BNC2: variants seen among roughly 807,000 people sequenced by gnomAD.
BNC2 encodes the protein zinc finger protein basonuclin-2.
BNC2 carries 20 observed loss-of-function variants against 76.3 expected under a neutral mutation model. The observed-to-expected ratio is 0.26, with a 90% CI of 0.18 to 0.38. The LOEUF (loss-of-function observed/expected upper bound fraction) is 0.38. Among genes scored for constraint, BNC2 ranks in the 10% least tolerant of loss-of-function variants. BNC2 has a pLI of 1.00. For missense variants in BNC2, 1,382 were observed against 1,399.8 expected, an observed-to-expected ratio of 0.99 and a Z score of 0.20; for synonymous variants, 582 against 514.8, an observed-to-expected ratio of 1.13 and a Z score of -1.77.
intron 3 of BNC2, among the ~76,000 whole-genome samples, chr9:16,701,464 C>T (rs975966122): frequency 8.5e-5 from 13 of 152,154 alleles, no homozygotes; most frequent in Non-Finnish European, 1.9e-4. Flanking sequence ...GCATCCCTAG[C>T]ACACTATGTG....
intron 1 of BNC2, among the ~76,000 whole-genome samples, chr9:16,793,505 G>T (rs1817567819): frequency 6.6e-6 from 1 of 151,882 alleles, no homozygotes; most frequent in African/African-American, 2.4e-5. Context: ...TTTTGACAGG[G>T]TCTCACTACA....
chr9:16,684,314 G>C (rs1822912651), intron 3 of BNC2, among the ~76,000 whole-genome samples: 1 of 152,124 alleles, frequency 6.6e-6, no homozygotes, highest in Admixed American at 6.5e-5. Context: ...CAAGCTGTTA[G>C]CTTTCTAGAA....
chr9:16,713,271 C>T (rs1482963032), intron 3 of BNC2, among the ~76,000 whole-genome samples: 1 of 152,014 alleles, frequency 6.6e-6, no homozygotes, highest in Non-Finnish European at 1.5e-5. Context: ...AGTCATAGAC[C>T]TTTCAACAAA....
intron 1 of BNC2, among the ~76,000 whole-genome samples, chr9:16,803,357 T>A (rs779112610): frequency 8.5e-5 from 13 of 152,208 alleles, no homozygotes; most frequent in Non-Finnish European, 1.6e-4. Flanking sequence ...TAATTTATAA[T>A]ACGTACCTCT....
At chr9:16,812,281 T>A (rs1254373202) in intron 1 of BNC2, among the ~76,000 whole-genome samples, 3 of 152,122 alleles carry the variant, frequency 2.0e-5, no homozygotes, top group Non-Finnish European at 4.4e-5. Context: ...CACCTCTCCA[T>A]CCCAAGAAAA....
At chr9:16,672,738 T>A (rs1822516897) in intron 3 of BNC2, among the ~76,000 whole-genome samples, 1 of 152,202 alleles carries the variant, frequency 6.6e-6, no homozygotes, top group Admixed American at 6.5e-5. Context: ...ACATGTGACA[T>A]TTTTTTCCTA....
intron 4 of BNC2, among the ~76,000 whole-genome samples, chr9:16,559,553 C>T (rs1017104851): frequency 1.3e-5 from 2 of 152,194 alleles, no homozygotes; most frequent in Admixed American, 1.3e-4. Flanking sequence ...ACCACATGTT[C>T]GAATAAATAG....
At chr9:16,684,901 C>CA (rs57737264) in intron 3 of BNC2, among the ~76,000 whole-genome samples, 23 of 147,496 alleles carry the variant, frequency 1.6e-4, no homozygotes, top group East Asian at 9.9e-4. Flanking sequence ...ACAGTTTCAC[C>CA]AAAAAAAAAA....
chr9:16,419,437 C>G lies in BNC2; in HGVS notation c.2852G>C (p.Arg951Thr). 6.2e-7 allele frequency: 1 copy of G among 1,610,044 alleles called. No individual in the cohort carries two copies. The highest frequency in any genetic ancestry group is 8.5e-7 in the Non-Finnish European group (1 of 1,177,782). Residue 951 changes from arginine (R) to threonine (T), a missense_variant, in exon 7 of 7, where the codon AGA (arginine) becomes ACA (threonine). Around this residue, in one of 3 missense-constraint regions of BNC2, gnomAD observed 798 missense variants for 775.5 expected, o/e 1.03. Transcript: ENST00000380672. Reference protein sequence around the residue: ...TEDSHLNGYGRGMAEDYMVLD... With the variant: ...TEDSHLNGYGTGMAEDYMVLD... Reference sequence around the variant, plus strand: ...GACCATGTAGTCCTCTGCCATGCCTCTCCCATACCCGTTCAGGTGGGAGTC... The same window carrying G: ...GACCATGTAGTCCTCTGCCATGCCTGTCCCATACCCGTTCAGGTGGGAGTC...
chr9:16,484,097 T>C (rs1486332910), intron 5 of BNC2, among the ~76,000 whole-genome samples: 2 of 152,198 alleles, frequency 1.3e-5, no homozygotes, highest in Non-Finnish European at 1.5e-5. Context: ...TTTGACGTGG[T>C]GTCATGTCCC....
chr9:16,697,008 A>G (rs947019322), intron 3 of BNC2, among the ~76,000 whole-genome samples: 1 of 152,218 alleles, frequency 6.6e-6, no homozygotes, highest in African/African-American at 2.4e-5. Context: ...TCTCTAGAAC[A>G]TGACTCCAAC....
intron 1 of BNC2, among the ~76,000 whole-genome samples, chr9:16,810,854 G>A (rs995144548): frequency 1.3e-5 from 2 of 152,132 alleles, no homozygotes; most frequent in African/African-American, 2.4e-5. Flanking sequence ...TTTTTCAAGA[G>A]AAACCAGAAC....
intron 1 of BNC2, chr9:16,868,288 T>A (rs556794782): frequency 6.6e-6 from 1 of 152,294 alleles, no homozygotes; most frequent in South Asian, 2.1e-4. Context: ...CAAAATGTTA[T>A]GTAAAGCACT....
rs1227401307 is a variant in BNC2, at chr9:16,435,756, T to C, written c.2438A>G (p.Asn813Ser). The change falls in exon 6 of 7, where the codon AAT becomes AGT. Residue 813 changes from asparagine (N) to serine (S), a missense_variant. Asn to Ser is a conservative substitution (Grantham distance 46, BLOSUM62 1). Around this residue, in one of 3 missense-constraint regions of BNC2, gnomAD observed 798 missense variants for 775.5 expected, o/e 1.03. Coordinates refer to ENST00000380672, the MANE Select transcript of BNC2 (RefSeq NM_017637.6). ...ALHESFTSSL[N>S]YGSPQKFSPE... ...GGAGAACTTTTGAGGGCTGCCATAA[T>C]TCAGAGACGATGTAAAGCTCTCATG... The C allele has an allele frequency of 6.2e-7, 1 of 1,614,162 alleles. No individual in the cohort carries two copies.
chr9:16,691,594 G>A (rs1823169558), intron 3 of BNC2, among the ~76,000 whole-genome samples: 1 of 142,300 alleles, frequency 7.0e-6, no homozygotes, highest in East Asian at 2.1e-4. Context: ...ACTGAAAGCT[G>A]TGCCTCCTGG....
chr9:16,761,260 C>G (rs929530832), intron 1 of BNC2, among the ~76,000 whole-genome samples: 1 of 151,698 alleles, frequency 6.6e-6, no homozygotes, highest in Non-Finnish European at 1.5e-5. Flanking sequence ...CAAAAAACAA[C>G]AACAACAACA....
At chr9:16,793,151 A>G (rs1304171591) in intron 1 of BNC2, among the ~76,000 whole-genome samples, 3 of 152,244 alleles carry the variant, frequency 2.0e-5, no homozygotes, top group Non-Finnish European at 4.4e-5. Context: ...AACAAATCCA[A>G]TTGCCCAAAG....
chr9:16,512,491 C>T (rs1281890555), intron 5 of BNC2, among the ~76,000 whole-genome samples: 1 of 152,062 alleles, frequency 6.6e-6, no homozygotes, highest in Non-Finnish European at 1.5e-5. Context: ...CGCGCACACA[C>T]ACACACACAC....
intron 1 of BNC2, among the ~76,000 whole-genome samples, chr9:16,814,543 T>C (rs984918464): frequency 1.3e-5 from 2 of 152,324 alleles, no homozygotes; most frequent in Admixed American, 6.5e-5. Context: ...TATTCAGAAA[T>C]GCATGCAAAC....
Sources: allele counts gnomAD v4.1 joint callset (sites outside exome capture counted in the v4.1 genomes callset), GRCh38; gene constraint gnomAD v4.1.1; regional missense constraint gnomAD v4.1.1; transcripts MANE v1.5; gene names NCBI Gene and HGNC (gene_info 2026-07-23, HGNC 2026-07-21).